Variants in ACO1 observed in about 807,000 individuals in gnomAD.
ACO1 encodes aconitase 1, also known as cytoplasmic aconitate hydratase.
ACO1 carries 78 observed loss-of-function variants against 105.1 expected under a neutral mutation model. The ratio of observed to expected loss-of-function variants is 0.74; its 90% CI spans 0.62 to 0.90. ACO1 has a LOEUF of 0.90. Among genes scored for constraint, ACO1 ranks in the 40% least tolerant of loss-of-function variants. The pLI, the probability that ACO1 is intolerant of heterozygous loss-of-function variation, is 0.00. For synonymous variants in ACO1, 364 were observed against 397.4 expected (o/e 0.92, Z 1.00); for missense variants, 965 against 1,111.1 (o/e 0.87, Z 1.87).
In ACO1 at chr9:32,427,431, G is replaced by T. The variant is rs768382597; in HGVS notation, c.1479G>T (p.Gln493His). The change falls in exon 12 of 21, where the codon CAG (glutamine) becomes CAT (histidine). Residue 493 changes from glutamine to histidine, a missense_variant. Physicochemically the swap from Gln to His is conservative, Grantham distance 24. Coordinates refer to ENST00000309951, the MANE Select transcript of ACO1 (RefSeq NM_002197.3). ...QESGVMPYLS[Q>H]LGFDVVGYGC... is the part of the protein sequence containing the mutation. ...GCGGAGTCATGCCTTATCTGTCTCA[G>T]CTTGGGTGAGGGAGAGTTTTCTTTT... 15 of 1,614,182 alleles carry T rather than the reference G, an allele frequency of 9.3e-6. No individual in the cohort carries two copies. Among genetic ancestry groups the T allele is most frequent in the Non-Finnish European group, 1.2e-5 (14 of 1,180,036 alleles).
At chr9:32,429,165 A>G (rs1170859285) in intron 12 of ACO1, among the ~76,000 whole-genome samples, 1 of 152,228 alleles carries the variant, frequency 6.6e-6, no homozygotes, top group Non-Finnish European at 1.5e-5. Flanking sequence ...TATGGCATAT[A>G]TGATTTCAAC....
intron 19 of ACO1, chr9:32,445,637 ATTTC>A (rs1295279930): frequency 4.0e-6 from 1 of 252,818 alleles, no homozygotes; most frequent in Admixed American, 5.4e-5. Flanking sequence ...GATCTTAGTT[ATTTC>A]TTGCCTTCTG....
In ACO1 at chr9:32,407,246, A is replaced by T; in HGVS notation, c.98-15A>T. On this transcript the variant is annotated splice_polypyrimidine_tract_variant and intron_variant, in intron 2 of 20. Transcript: ENST00000309951. ...TCTCACAGGTTTTGTTTATTTTGTC[A>T]TCCTTAACTCTTAGGGCGCTTACCA... 1 of 1,612,082 alleles carries T rather than the reference A, an allele frequency of 6.2e-7. No individual in the cohort carries two copies. The highest frequency in any genetic ancestry group is 8.5e-7 in the Non-Finnish European group (1 of 1,178,816).
chr9:32,427,100 A>G (rs982903614), intron 11 of ACO1, among the ~76,000 whole-genome samples: 4 of 152,206 alleles, frequency 2.6e-5, no homozygotes, highest in African/African-American at 7.2e-5. Context: ...AGTTTACTGC[A>G]TATATCTAAA....
At chr9:32,394,647 G>A (rs370213405) in intron 1 of ACO1, among the ~76,000 whole-genome samples, 13 of 152,256 alleles carry the variant, frequency 8.5e-5, no homozygotes, top group East Asian at 5.8e-4. Context: ...TTGGGTTTGC[G>A]TTCCAGTTCC....
At chr9:32,434,834 T>A in intron 17 of ACO1, 133 bp downstream of exon 17, 1 of 1,015,588 alleles carries the variant, frequency 9.8e-7, no homozygotes, top group Non-Finnish European at 1.4e-6. Flanking sequence ...AACCCTGGGG[T>A]AAAAACCAAT....
Position 32,452,507 on chromosome 9 carries a change from A to T in ACO1, c.*2396A>T, listed in dbSNP as rs892167750. ...CCAGTGCCTTGAACCTAGACTTTCC[A>T]GCCAGAACTGTGAGAAATTTCTATT... On this transcript the variant is annotated 3_prime_UTR_variant, in exon 21 of 21. Coordinates refer to ENST00000309951, the MANE Select transcript of ACO1 (RefSeq NM_002197.3). 1 of 152,298 alleles carries T rather than the reference A, an allele frequency of 6.6e-6. No individual in the cohort carries two copies. Among genetic ancestry groups the T allele is most frequent in the African/African-American group, 2.4e-5 (1 of 41,448 alleles). The allele number at this position is 152,298 out of a possible 1,614,324, so 9.4% of individuals were successfully genotyped here. A position where few individuals can be genotyped will look rare whatever the true frequency, so the allele number is the denominator to read the frequency against.
intron 1 of ACO1, among the ~76,000 whole-genome samples, chr9:32,387,044 C>G (rs1821170079): frequency 6.6e-6 from 1 of 152,212 alleles, no homozygotes. Context: ...ACCAGTCCCA[C>G]ACTGTGAAGA....
intron 1 of ACO1, among the ~76,000 whole-genome samples, chr9:32,403,519 T>C (rs1821542993): frequency 6.6e-6 from 1 of 152,206 alleles, no homozygotes; most frequent in African/African-American, 2.4e-5. Context: ...CAACTGACTT[T>C]GTAGGGTGGT....
At chr9:32,441,208 G>A (rs1563947478) in intron 19 of ACO1, among the ~76,000 whole-genome samples, 1 of 152,124 alleles carries the variant, frequency 6.6e-6, no homozygotes, top group Non-Finnish European at 1.5e-5. Flanking sequence ...AGAACCTTCC[G>A]CCATCTCGGG....
At chr9:32,428,692 A>G (rs1240786861) in intron 12 of ACO1, among the ~76,000 whole-genome samples, 4 of 151,978 alleles carry the variant, frequency 2.6e-5, no homozygotes, top group African/African-American at 7.3e-5. Context: ...CAAAAAAACA[A>G]AATTAGCCGG....
intron 1 of ACO1, among the ~76,000 whole-genome samples, chr9:32,405,132 G>T (rs567123027): frequency 8.8e-6 from 1 of 113,680 alleles, no homozygotes; most frequent in South Asian, 3.0e-4. Flanking sequence ...GGAAAGAGGC[G>T]CTGGGCAAAC....
In ACO1 at chr9:32,426,000, A is replaced by G; in HGVS notation, c.1348+3A>G. On this transcript the variant is annotated splice_donor_region_variant and intron_variant, in intron 11 of 20. Coordinates refer to ENST00000309951, the MANE Select transcript of ACO1 (RefSeq NM_002197.3). ...TCCGTCTGTGATGTTAGGGGCAGGT[A>G]AGTGCATTTGACTCCATCCTCATGG... 6.2e-7 allele frequency: 1 copy of G among 1,613,186 alleles called. No homozygotes were observed. The highest frequency in any genetic ancestry group is 8.5e-7 in the Non-Finnish European group (1 of 1,179,404).
At chr9:32,387,889 G>A (rs962915881) in intron 1 of ACO1, among the ~76,000 whole-genome samples, 4 of 152,230 alleles carry the variant, frequency 2.6e-5, no homozygotes, top group African/African-American at 7.2e-5. Flanking sequence ...ATGTTTCAAA[G>A]AGAGAGTTTT....
At chr9:32,419,470 T>C (rs1260558754) in intron 7 of ACO1, among the ~76,000 whole-genome samples, 1 of 152,244 alleles carries the variant, frequency 6.6e-6, no homozygotes, top group Non-Finnish European at 1.5e-5. Flanking sequence ...GCCCACCACC[T>C]AGATTTAACA....
intron 15 of ACO1, 65 bp from the exon 16 acceptor site, chr9:32,433,663 G>GT: frequency 8.2e-7 from 1 of 1,219,794 alleles, no homozygotes; most frequent in South Asian, 1.3e-5. Context: ...TATGTTTTGT[G>GT]TTTGCATATT....
At chr9:32,413,953 T>C (rs1821796376) in intron 4 of ACO1, among the ~76,000 whole-genome samples, 1 of 151,900 alleles carries the variant, frequency 6.6e-6, no homozygotes, top group Non-Finnish European at 1.5e-5. Context: ...ATCAAGACCA[T>C]CCTGGCTAAC....
At chr9:32,408,679 GT>G (rs752647033) in intron 4 of ACO1, 28 bp downstream of exon 4, 2 of 1,607,878 alleles carry the variant, frequency 1.2e-6, no homozygotes, top group South Asian at 2.2e-5. Context: ...ATACCTGAGT[GT>G]TCTGCTTTGT....
chr9:32,450,041 C>T lies in ACO1; in HGVS notation c.2600C>T (p.Thr867Ile), dbSNP rs761816078. 1.2e-6 allele frequency: 2 copies of T among 1,614,114 alleles called. No individual in the cohort carries two copies. The highest frequency in any genetic ancestry group is 1.7e-5 in the Admixed American group (1 of 60,022). The change falls in exon 21 of 21, where the codon ACT (threonine) becomes ATT (isoleucine). Residue 867 changes from threonine (T) to isoleucine (I), a missense_variant. By Grantham distance (89) the Thr-to-Ile change is moderately conservative (BLOSUM62 -1). Transcript: ENST00000309951. ...TTCCAGGCTGTCATGAGGTTTGACA[C>T]TGATGTGGAGCTCACTTATTTCCTC... ...KTFQAVMRFDTDVELTYFLNG... is the reference protein window; with the variant it reads ...KTFQAVMRFDIDVELTYFLNG...
Sources: gnomAD v4.1 joint callset for allele counts (sites outside exome capture counted in the v4.1 genomes callset) on GRCh38, gnomAD v4.1.1 for gene constraint, MANE v1.5 for transcripts, NCBI Gene and HGNC (gene_info 2026-07-23, HGNC 2026-07-21) for gene names.